MLYCD: variants seen among roughly 807,000 people sequenced by gnomAD.
The protein encoded by MLYCD is malonyl-CoA decarboxylase, mitochondrial.
In MLYCD, 27 loss-of-function variants were observed where a neutral mutation model predicts 35.8. The observed-to-expected ratio is 0.75, with a 90% CI of 0.56 to 1.04. The LOEUF (loss-of-function observed/expected upper bound fraction) is 1.04. Among genes scored for constraint, MLYCD ranks in the 50% least tolerant of loss-of-function variants. The pLI, the probability that MLYCD is intolerant of heterozygous loss-of-function variation, is 0.00. For missense variants in MLYCD, 917 were observed against 665.1 expected (o/e 1.38, Z -4.17); for synonymous variants, 403 against 302.4 (o/e 1.33, Z -3.45).
chr16:83,909,720 C>T lies in MLYCD; in HGVS notation c.798+1438C>T, dbSNP rs1464037359. 6.6e-5 allele frequency among the ~76,000 whole-genome samples: 10 copies of T among 150,440 alleles called. No homozygotes were observed. In the East Asian group the frequency reaches 2.0e-3, roughly 30 times the overall value. ...CACTGCAACCTCCAACTCCCGGGTA[C>T]AAGCAATTCTCCTGCCTCAGCCTCC... On this transcript the variant is annotated intron_variant, in intron 3 of 4. Coordinates refer to ENST00000262430, the MANE Select transcript of MLYCD (RefSeq NM_012213.3).
chr16:83,899,956 T>TTAAAGA (rs1906725398), intron 1 of MLYCD, among the ~76,000 whole-genome samples: 1 of 152,196 alleles, frequency 6.6e-6, no homozygotes, highest in Non-Finnish European at 1.5e-5. Flanking sequence ...AGCTGTCACC[T>TTAAAGA]CTCGTACCTG....
At position 83,919,646 on chromosome 16, in the gene MLYCD, G is replaced by A. The variant is rs1050305545; in HGVS notation, c.*4157G>A. 2.2e-4 allele frequency: 28 copies of A among 124,730 alleles called. No individual in the cohort carries two copies. The highest frequency in any genetic ancestry group is 3.3e-4 in the Non-Finnish European group (20 of 60,870). The allele number at this position is 124,730 out of a possible 1,614,324, so 7.7% of individuals were successfully genotyped here. A position where few individuals can be genotyped will look rare whatever the true frequency, so the allele number is the denominator to read the frequency against. ...GGGCACAGGAGAACACACGATGCAC[G>A]GAACACGGTGATCAGAACACGGTTC... On this transcript the variant is annotated 3_prime_UTR_variant, in exon 5 of 5. Transcript: ENST00000262430.
chr16:83,914,808 A>T lies in MLYCD; in HGVS notation c.949-148A>T, dbSNP rs1378169171. On this transcript the variant is annotated intron_variant, in intron 4 of 4. Coordinates refer to ENST00000262430, the MANE Select transcript of MLYCD (RefSeq NM_012213.3). ...AGGAAAAAAAGAAAAGCTGCTTGAA[A>T]GAAGATAAACAACATGTATCAGATG... The T allele has an allele frequency of 2.5e-6, 3 of 1,191,850 alleles. No homozygotes were observed. In the African/African-American group the frequency reaches 4.5e-5, roughly 18 times the overall value. The allele number at this position is 1,191,850 out of a possible 1,614,324, so 73.8% of individuals were successfully genotyped here. A position where few individuals can be genotyped will look rare whatever the true frequency, so the allele number is the denominator to read the frequency against.
At chr16:83,903,497 G>A (rs144820986) in intron 1 of MLYCD, among the ~76,000 whole-genome samples, 231 of 152,286 alleles carry the variant, frequency 1.5e-3, no homozygotes, top group African/African-American at 5.1e-3. Flanking sequence ...CTTCCCCAGA[G>A]CAGGGCTTCT....
At chr16:83,908,491 C>T (rs140670754) in intron 3 of MLYCD, among the ~76,000 whole-genome samples, 28 of 151,752 alleles carry the variant, frequency 1.8e-4, no homozygotes, top group African/African-American at 5.8e-4. Context: ...TGGAGCAAGG[C>T]GAGCATTCAT....
At chr16:83,912,011 C>A (rs1230012070) in intron 3 of MLYCD, 2 of 654,020 alleles carry the variant, frequency 3.1e-6, no homozygotes, top group Non-Finnish European at 2.7e-6. Context: ...TGAGGACCCC[C>A]AGGCACGCGG....
intron 1 of MLYCD, among the ~76,000 whole-genome samples, chr16:83,902,189 ATG>A (rs1160861912): frequency 2.9e-4 from 39 of 133,140 alleles, no homozygotes; most frequent in Non-Finnish European, 5.6e-4. Context: ...ATATATATAT[ATG>A]GTTTTTTGTT....
intron 3 of MLYCD, among the ~76,000 whole-genome samples, chr16:83,910,740 G>A (rs1907146516): frequency 6.6e-6 from 1 of 151,714 alleles, no homozygotes; most frequent in African/African-American, 2.4e-5. Flanking sequence ...GATGTGAAGT[G>A]AGCTCCGTCC....
chr16:83,900,334 T>G (rs1906739792), intron 1 of MLYCD, among the ~76,000 whole-genome samples: 1 of 152,218 alleles, frequency 6.6e-6, no homozygotes, highest in Non-Finnish European at 1.5e-5. Context: ...ACACATACTT[T>G]GAGATTTAAA....
intron 1 of MLYCD, among the ~76,000 whole-genome samples, chr16:83,906,185 G>A (rs1906968196): frequency 6.6e-6 from 1 of 152,068 alleles, no homozygotes; most frequent in Non-Finnish European, 1.5e-5. Flanking sequence ...TCAGGAGCTC[G>A]AGACTAGCCT....
chr16:83,912,142 C>G, intron 3 of MLYCD, 76 bp from the exon 4 acceptor site: 1 of 1,594,074 alleles, frequency 6.3e-7, no homozygotes, highest in Non-Finnish European at 8.6e-7. Context: ...ATTGTCTTCT[C>G]GTCCCAGCAA....
At chr16:83,904,237 A>T (rs1389569129) in intron 1 of MLYCD, among the ~76,000 whole-genome samples, 1 of 152,212 alleles carries the variant, frequency 6.6e-6, no homozygotes, top group African/African-American at 2.4e-5. Context: ...CGCAGAGCTC[A>T]GCTCATCCGT....
rs1907825362 is a variant in MLYCD, at chr16:83,926,908, G to A, written c.*11419G>A. The A allele has an allele frequency of 6.6e-6, 1 of 152,262 alleles. No individual in the cohort carries two copies. Among genetic ancestry groups the A allele is most frequent in the Non-Finnish European group, 1.5e-5 (1 of 68,066 alleles). 9.4% of individuals were successfully genotyped at this position (152,262 alleles called of 1,614,324 possible). The stretch of plus-strand genomic sequence containing the variant: ...CGCTGAATGTTAAAATTCCTAACAG[G>A]TGAATCGCTTGAATCCGGGAGGCGG... On this transcript the variant is annotated 3_prime_UTR_variant, in exon 5 of 5. Transcript: ENST00000262430.
intron 1 of MLYCD, among the ~76,000 whole-genome samples, chr16:83,903,680 C>T (rs78020401): frequency 0.013 from 2,009 of 152,222 alleles, 49 homozygotes; most frequent in African/African-American, 0.042. Context: ...TGCAGTGGCA[C>T]GCACCTGTAG....
intron 4 of MLYCD, chr16:83,914,337 T>A (rs1437023964): frequency 6.0e-6 from 1 of 167,316 alleles, no homozygotes; most frequent in African/African-American, 2.4e-5. Flanking sequence ...AGCTAGTCGC[T>A]CACTCACCAG....
In MLYCD at chr16:83,926,613, C is replaced by T. The variant is rs188727491; in HGVS notation, c.*11124C>T. On this transcript the variant is annotated 3_prime_UTR_variant, in exon 5 of 5. Transcript: ENST00000262430. ...GGCTGCCCAGCTGTGAACACAAGGA[C>T]ACCTCCGATTTCGTCCTGTGAATGT... 47 of 152,400 alleles carry T rather than the reference C, an allele frequency of 3.1e-4. No homozygotes were observed. Among genetic ancestry groups the T allele is most frequent in the African/African-American group, 1.1e-3 (47 of 41,584 alleles). 9.4% of individuals were successfully genotyped at this position (152,400 alleles called of 1,614,324 possible).
chr16:83,899,903 T>C (rs1204697861), intron 1 of MLYCD, among the ~76,000 whole-genome samples: 1 of 152,236 alleles, frequency 6.6e-6, no homozygotes, highest in African/African-American at 2.4e-5. Flanking sequence ...TCCTCACTTG[T>C]ATAGTGTTTA....
In MLYCD at chr16:83,925,020, C is replaced by A. The variant is rs1481245583; in HGVS notation, c.*9531C>A. 1.3e-5 allele frequency: 2 copies of A among 152,312 alleles called. No homozygotes were observed. The highest frequency in any genetic ancestry group is 2.4e-5 in the African/African-American group (1 of 41,470). The allele number at this position is 152,312 out of a possible 1,614,324, so 9.4% of individuals were successfully genotyped here. On this transcript the variant is annotated 3_prime_UTR_variant, in exon 5 of 5. Transcript: ENST00000262430. ...CGTGTCTCTGCTGTCTCCTAACTAC[C>A]GATAGCAAGGGCACTAGTGCCCCTG... is the stretch of plus-strand genomic sequence containing the variant.
rs1161590249 is a variant in MLYCD at position 83,918,142 on chromosome 16, C to T, written c.*2653C>T. The T allele has an allele frequency of 1.3e-5, 2 of 152,248 alleles. No homozygotes were observed. Among genetic ancestry groups the T allele is most frequent in the African/African-American group, 4.8e-5 (2 of 41,460 alleles). 9.4% of individuals were successfully genotyped at this position (152,248 alleles called of 1,614,324 possible). On this transcript the variant is annotated 3_prime_UTR_variant, in exon 5 of 5. Coordinates refer to ENST00000262430, the MANE Select transcript of MLYCD (RefSeq NM_012213.3). ...AGGCGGCTCATCACATCACGTTACT[C>T]TTTAGGTCAAATGTAACCCTCCCGG...
Sources: gnomAD v4.1 joint callset for allele counts (sites outside exome capture counted in the v4.1 genomes callset) on GRCh38, gnomAD v4.1.1 for gene constraint, MANE v1.5 for transcripts, NCBI Gene and HGNC (gene_info 2026-07-23, HGNC 2026-07-21) for gene names.